Variants in ZFP37 observed in about 807,000 individuals in gnomAD.
ZFP37 encodes zinc finger protein 37 homolog.
In ZFP37, 38 loss-of-function variants were observed where a neutral mutation model predicts 52.1. The observed-to-expected ratio is 0.73, with a 90% confidence interval of 0.56 to 0.96. The LOEUF (loss-of-function observed/expected upper bound fraction) is 0.96. Among genes scored for constraint, ZFP37 ranks in the 40% least tolerant of loss-of-function variants. ZFP37 has a pLI of 0.00. For missense variants in ZFP37, 695 were observed against 741.4 expected, an observed-to-expected ratio of 0.94 and a Z score of 0.73; for synonymous variants, 253 against 259.5, an observed-to-expected ratio of 0.98 and a Z score of 0.24.
chr9:113,042,769 T>C lies in ZFP37; in HGVS notation c.1849A>G (p.Thr617Ala). 6.2e-7 allele frequency: 1 copy of C among 1,603,198 alleles called. No homozygotes were observed. Among genetic ancestry groups the C allele is most frequent in the Non-Finnish European group, 8.5e-7 (1 of 1,174,738 alleles). ...TCTGAATGAGTTTTCACATGTTTGG[T>C]TAGGGATGCATTTTGTTTGAAAGTT... Reference protein sequence around the residue: ...GKTFKQNASLTKHVKTHSEDK... With the variant: ...GKTFKQNASLAKHVKTHSEDK... The change falls in exon 4 of 4, where the codon ACC becomes GCC. Residue 617 changes from threonine to alanine, a missense_variant. By Grantham distance (58) the Thr-to-Ala change is moderately conservative. Around this residue, in one of 2 missense-constraint regions of ZFP37, gnomAD observed 326 missense variants for 400.5 expected, o/e 0.81. Transcript: ENST00000374227.
At position 113,040,986 on chromosome 9, in the gene ZFP37, T is replaced by G. The variant is rs1828836701; in HGVS notation, c.*1739A>C. ...TCTTTTTTTTGAGACAGAGCCTCAC[T>G]CTGCTGCCCAGGCTGGAGTGCACTG... On this transcript the variant is annotated 3_prime_UTR_variant, in exon 4 of 4. Coordinates refer to ENST00000374227, the MANE Select transcript of ZFP37 (RefSeq NM_003408.3). 1 of 152,176 alleles carries G rather than the reference T, an allele frequency of 6.6e-6. No individual in the cohort carries two copies. The highest frequency in any genetic ancestry group is 2.1e-4 in the South Asian group (1 of 4,830). 9.4% of individuals were successfully genotyped at this position (152,176 alleles called of 1,614,324 possible). A position where few individuals can be genotyped will look rare whatever the true frequency, so the allele number is the denominator to read the frequency against.
intron 3 of ZFP37, among the ~76,000 whole-genome samples, chr9:113,048,076 A>ATT (rs1828990459): frequency 6.6e-6 from 1 of 152,266 alleles, no homozygotes; most frequent in Non-Finnish European, 1.5e-5. Context: ...TTAGAAGATA[A>ATT]GATCTGATTC....
chr9:113,045,624 A>C (rs1828936385), intron 3 of ZFP37, among the ~76,000 whole-genome samples: 1 of 152,152 alleles, frequency 6.6e-6, no homozygotes, highest in South Asian at 2.1e-4. Context: ...CATTACCCAC[A>C]CTGAAAGCTG....
chr9:113,055,195 A>G (rs1353369673), intron 1 of ZFP37, among the ~76,000 whole-genome samples: 1 of 151,824 alleles, frequency 6.6e-6, no homozygotes, highest in Non-Finnish European at 1.5e-5. Flanking sequence ...TTCCTGAAAC[A>G]CTCTTTCTTC....
intron 1 of ZFP37, among the ~76,000 whole-genome samples, chr9:113,055,039 A>G (rs1361525464): frequency 6.6e-6 from 1 of 152,146 alleles, no homozygotes; most frequent in Admixed American, 6.5e-5. Context: ...ATAAAATCCT[A>G]CATTATCTGA....
At position 113,042,279 on chromosome 9, in the gene ZFP37, T is replaced by A. The variant is rs1828859830; in HGVS notation, c.*446A>T. The stretch of plus-strand genomic sequence containing the variant: ...GCCAACACAGACATTAAGAAAGAGC[T>A]GGGTGAAAATGTCAAAGAGGCTTAT... On this transcript the variant is annotated 3_prime_UTR_variant, in exon 4 of 4. Transcript: ENST00000374227. 6.6e-6 allele frequency: 1 copy of A among 152,000 alleles called. No individual in the cohort carries two copies. Among genetic ancestry groups the A allele is most frequent in the South Asian group, 2.1e-4 (1 of 4,842 alleles). 9.4% of individuals were successfully genotyped at this position (152,000 alleles called of 1,614,324 possible). A position where few individuals can be genotyped will look rare whatever the true frequency, so the allele number is the denominator to read the frequency against.
intron 3 of ZFP37, 143 bp downstream of exon 3, chr9:113,049,219 T>A (rs1336827692): frequency 7.5e-6 from 7 of 929,708 alleles, no homozygotes; most frequent in Non-Finnish European, 1.1e-5. Context: ...GGTTACAGAA[T>A]CTTTGTAGTT....
chr9:113,055,106 C>T (rs1444789369), intron 1 of ZFP37, among the ~76,000 whole-genome samples: 2 of 152,222 alleles, frequency 1.3e-5, no homozygotes, highest in African/African-American at 2.4e-5. Context: ...TGTGCTCCAA[C>T]AGCACTAATC....
intron 1 of ZFP37, among the ~76,000 whole-genome samples, chr9:113,051,058 AGAAT>A (rs1416269143): frequency 6.6e-6 from 1 of 152,202 alleles, no homozygotes; most frequent in Admixed American, 6.5e-5. Flanking sequence ...GCAGAAAAAG[AGAAT>A]GAATGATTTT....
In ZFP37 at chr9:113,056,613, T is replaced by C; in HGVS notation, c.76A>G (p.Lys26Glu). Reference sequence around the variant, plus strand: ...ATCTCCAGTGGTCGCCCGGCCTCTTTGGTCGTTTCCGCACTTCTCCTCCGG... The same window carrying C: ...ATCTCCAGTGGTCGCCCGGCCTCTTCGGTCGTTTCCGCACTTCTCCTCCGG... ...VDRRRSAETTKEAGRPLEMAV... is the reference protein window; with the variant it reads ...VDRRRSAETTEEAGRPLEMAV... The change falls in exon 1 of 4, where the codon AAA (lysine) becomes GAA (glutamate). Residue 26 changes from lysine to glutamate, a missense_variant. By Grantham distance (56) the Lys-to-Glu change is moderately conservative. Coordinates refer to ENST00000374227, the MANE Select transcript of ZFP37 (RefSeq NM_003408.3). The C allele has an allele frequency of 1.9e-6, 3 of 1,614,030 alleles. No homozygotes were observed. The South Asian group carries it at 3.3e-5, about 18-fold the overall frequency.
rs1829152068 is a variant in ZFP37, at chr9:113,056,650, T to C, written c.39A>G (p.Pro13=). The stretch of plus-strand genomic sequence containing the variant: ...CACTTCTCCTCCGGTCCACGGTCTC[T>C]GGCTTTGTCAGAATCTGGACGCCGC... The part of the protein sequence containing the change: ...VSSGVQILTK[P]ETVDRRRSAE... The change falls in exon 1 of 4, where the codon CCA becomes CCG. Residue 13 remains proline, a synonymous_variant. Coordinates refer to ENST00000374227, the MANE Select transcript of ZFP37 (RefSeq NM_003408.3). 2 of 1,613,796 alleles carry C rather than the reference T, an allele frequency of 1.2e-6. No homozygotes were observed. Among genetic ancestry groups the C allele is most frequent in the Non-Finnish European group, 1.7e-6 (2 of 1,179,936 alleles).
In ZFP37 at chr9:113,052,925, G is replaced by C. The variant is rs887316182; in HGVS notation, c.133-3053C>G. ...ACTTCTATGTTAACTCTGTTCTGCA[G>C]TCATCCCACCCAATTCACTGAAAAC... On this transcript the variant is annotated intron_variant, in intron 1 of 3. Coordinates refer to ENST00000374227, the MANE Select transcript of ZFP37 (RefSeq NM_003408.3). The surrounding 1 kb of genome is among the most constrained non-coding windows in gnomAD (Gnocchi z 4.1). 1.3e-5 allele frequency among the ~76,000 whole-genome samples: 2 copies of C among 152,176 alleles called. No homozygotes were observed. Among genetic ancestry groups the C allele is most frequent in the South Asian group, 4.1e-4 (2 of 4,826 alleles).
In ZFP37 at chr9:113,043,075, T is replaced by C; in HGVS notation, c.1543A>G (p.Ser515Gly). The change falls in exon 4 of 4, where the codon AGT becomes GGT. Residue 515 changes from serine to glycine, a missense_variant. Coordinates refer to ENST00000374227, the MANE Select transcript of ZFP37 (RefSeq NM_003408.3). ...CCACATTGATTACATTCAAAGGGAC[T>C]TTCACCTGTATGAGTTCTCATATGG... ...TYHMRTHTGE[S>G]PFECNQCGKG... is the part of the protein sequence containing the mutation. 1 of 1,613,628 alleles carries C rather than the reference T, an allele frequency of 6.2e-7. No individual in the cohort carries two copies. The highest frequency in any genetic ancestry group is 1.1e-5 in the South Asian group (1 of 91,076).
At position 113,043,868 on chromosome 9, in the gene ZFP37, G is replaced by C. The variant is rs148143783; in HGVS notation, c.750C>G (p.Asp250Glu). ...GGGATGAACTATGACAGCATAATTT[G>C]TCATGTTTTTTGCCAGTTTTGTTAC... ...DKCNKTGKKH[D>E]KLCCHSSSHI... is the part of the protein sequence containing the mutation. The change falls in exon 4 of 4, where the codon GAC becomes GAG. Residue 250 changes from aspartate to glutamate, a missense_variant. By Grantham distance (45) the Asp-to-Glu change is conservative. This residue lies in a region of ZFP37 where 369 missense variants were observed against 340.9 expected (regional missense o/e 1.08). Transcript: ENST00000374227. The C allele has an allele frequency of 9.9e-6, 16 of 1,613,874 alleles. No homozygotes were observed. The African/African-American group carries it at 2.1e-4, about 22-fold the overall frequency.
intron 1 of ZFP37, 31 bp downstream of exon 1, chr9:113,056,526 C>T (rs774757015): frequency 1.9e-6 from 3 of 1,609,486 alleles, no homozygotes; most frequent in Non-Finnish European, 2.5e-6. Context: ...TCTCTGACCG[C>T]CAAAACACCC....
At chr9:113,050,590 T>G (rs950835863) in intron 1 of ZFP37, among the ~76,000 whole-genome samples, 1 of 152,066 alleles carries the variant, frequency 6.6e-6, no homozygotes, top group Non-Finnish European at 1.5e-5. Flanking sequence ...ATTGAGACCC[T>G]TGATTTTTGT....
At position 113,051,464 on chromosome 9, in the gene ZFP37, G is replaced by A. The variant is rs926207892; in HGVS notation, c.133-1592C>T. Among the ~76,000 whole-genome samples the A allele has an allele frequency of 5.9e-5, 9 of 151,916 alleles. No homozygotes were observed. In the South Asian group the frequency reaches 1.9e-3, roughly 32 times the overall value. On this transcript the variant is annotated intron_variant, in intron 1 of 3. Coordinates refer to ENST00000374227, the MANE Select transcript of ZFP37 (RefSeq NM_003408.3). Reference sequence around the variant, plus strand: ...TTCCTTCTTTTTTTTGCAGTGGGGTGGGGGAGCAGATAAAGTCTCACTCTG... The same window carrying A: ...TTCCTTCTTTTTTTTGCAGTGGGGTAGGGGAGCAGATAAAGTCTCACTCTG...
chr9:113,043,370 A>G lies in ZFP37; in HGVS notation c.1248T>C (p.Tyr416=). Residue 416 remains tyrosine (Y), a synonymous_variant, in exon 4 of 4, where the codon TAT becomes TAC. Transcript: ENST00000374227. ...ECKECGKSFR[Y]NSSLTEHVRT... is the part of the protein sequence containing the mutation. ...TCACATGTTCGGTAAGAGATGAGTTATACCTAAAAGACTTCCCACATTCCT... is the reference window on the plus strand; with the variant it reads ...TCACATGTTCGGTAAGAGATGAGTTGTACCTAAAAGACTTCCCACATTCCT... 1 of 1,614,102 alleles carries G rather than the reference A, an allele frequency of 6.2e-7. No homozygotes were observed. The highest frequency in any genetic ancestry group is 8.5e-7 in the Non-Finnish European group (1 of 1,179,972).
Position 113,043,509 on chromosome 9 carries a change from A to G in ZFP37, c.1109T>C (p.Ile370Thr). The G allele has an allele frequency of 6.2e-7, 1 of 1,614,042 alleles. No individual in the cohort carries two copies. Among genetic ancestry groups the G allele is most frequent in the Non-Finnish European group, 8.5e-7 (1 of 1,179,952 alleles). ...HKHALTDHLRIHTGEKPYECA... is the reference protein window; with the variant it reads ...HKHALTDHLRTHTGEKPYECA... ...TTCATAGGGCTTTTCTCCAGTATGAATTCTTAGATGGTCAGTGAGTGCATG... is the reference window on the plus strand; with the variant it reads ...TTCATAGGGCTTTTCTCCAGTATGAGTTCTTAGATGGTCAGTGAGTGCATG... The change falls in exon 4 of 4, where the codon ATT becomes ACT. Residue 370 changes from isoleucine to threonine, a missense_variant. Transcript: ENST00000374227.
Sources: allele counts gnomAD v4.1 joint callset (sites outside exome capture counted in the v4.1 genomes callset), GRCh38; gene constraint gnomAD v4.1.1; regional missense constraint gnomAD v4.1.1; non-coding constraint Gnocchi (gnomAD v3.1); transcripts MANE v1.5; gene names NCBI Gene and HGNC (gene_info 2026-07-23, HGNC 2026-07-21).